Variants in SCML2 observed in about 807,000 individuals in gnomAD.
SCML2 encodes sex comb on midleg-like protein 2.
Under a neutral mutation model 48.4 loss-of-function variants are expected in SCML2, and 6 were observed. The observed-to-expected ratio is 0.12, with a 90% CI of 0.07 to 0.24. The LOEUF is 0.24. Among genes scored for constraint, SCML2 ranks in the 10% least tolerant of loss-of-function variants. The pLI, the probability that SCML2 is intolerant of heterozygous loss-of-function variation, is 1.00. For synonymous variants in SCML2, 181 were observed against 189.5 expected (o/e 0.95, Z 0.37); for missense variants, 377 against 528.2 (o/e 0.71, Z 2.81).
intron 1 of SCML2, among the ~76,000 whole-genome samples, chrX:18,347,707 G>A (rs1930243479): frequency 1.5e-5 from 1 of 68,176 alleles, no homozygotes; most frequent in African/African-American, 5.9e-5. Context: ...CTGGGTGACA[G>A]AGCAAGACTC....
At chrX:18,265,904 C>G in intron 7 of SCML2, 102 bp from the exon 8 acceptor site, 1 of 555,963 alleles carries the variant, frequency 1.8e-6, no homozygotes, top group Non-Finnish European at 2.8e-6. Context: ...AAACCATTTC[C>G]AAAGGTTATT....
chrX:18,254,051 C>T (rs1330858271), intron 11 of SCML2, among the ~76,000 whole-genome samples: 1 of 111,781 alleles, frequency 8.9e-6, no homozygotes, highest in Non-Finnish European at 1.9e-5. Flanking sequence ...AGCAGTGCTT[C>T]TAGGGTACTA....
At chrX:18,348,360 T>C (rs1171323423) in intron 1 of SCML2, among the ~76,000 whole-genome samples, 2 of 111,872 alleles carry the variant, frequency 1.8e-5, no homozygotes, top group Admixed American at 1.9e-4. Context: ...ATAATGGAAA[T>C]GATGACAACA....
chrX:18,325,075 G>A, intron 3 of SCML2, 98 bp from the exon 4 acceptor site: 1 of 421,518 alleles, frequency 2.4e-6, no homozygotes, highest in Non-Finnish European at 3.8e-6. Context: ...TTAGTTCCAT[G>A]CCTCTTAAAA....
At chrX:18,338,357 T>C (rs1336510840) in intron 1 of SCML2, among the ~76,000 whole-genome samples, 1 of 106,819 alleles carries the variant, frequency 9.4e-6, no homozygotes, top group Non-Finnish European at 1.9e-5. Context: ...TGCAGGAGAA[T>C]TGCTCGAACC....
At chrX:18,340,703 A>G (rs1427027226) in intron 1 of SCML2, among the ~76,000 whole-genome samples, 1 of 108,174 alleles carries the variant, frequency 9.2e-6, no homozygotes, top group Non-Finnish European at 1.9e-5. Context: ...CCAGCTACTC[A>G]GGAGGCTGAG....
chrX:18,345,469 C>T (rs1930168525), intron 1 of SCML2, among the ~76,000 whole-genome samples: 1 of 110,177 alleles, frequency 9.1e-6, no homozygotes, highest in Non-Finnish European at 1.9e-5. Context: ...TAGCTCGCTA[C>T]AACCTCAACC....
intron 3 of SCML2, 128 bp from the exon 4 acceptor site, chrX:18,325,105 CAA>C (rs1929438956): frequency 5.2e-6 from 2 of 386,891 alleles, no homozygotes; most frequent in East Asian, 8.3e-5. Context: ...AAAAAACTTC[CAA>C]AAGAGTAGAT....
intron 6 of SCML2, among the ~76,000 whole-genome samples, chrX:18,307,530 C>T (rs1928795126): frequency 8.9e-6 from 1 of 111,863 alleles, no homozygotes; most frequent in Admixed American, 9.5e-5. Flanking sequence ...TCAAGGCACA[C>T]ATAAGGATCC....
At position 18,341,833 on chromosome X, in the gene SCML2, A is replaced by G. The variant is rs189665108; in HGVS notation, c.-24-7738T>C. Among the ~76,000 whole-genome samples the G allele has an allele frequency of 2.7e-5, 3 of 112,204 alleles. No individual in the cohort carries two copies. The East Asian group carries it at 8.4e-4, about 31-fold the overall frequency. ...AACTTGAGAAAAAATAAAACGTTCTATTGTCCCTCTTAAAATGCATTACAC... is the reference window on the plus strand; with the variant it reads ...AACTTGAGAAAAAATAAAACGTTCTGTTGTCCCTCTTAAAATGCATTACAC... On this transcript the variant is annotated intron_variant, in intron 1 of 14. Coordinates refer to ENST00000251900, the MANE Select transcript of SCML2 (RefSeq NM_006089.3).
intron 8 of SCML2, among the ~76,000 whole-genome samples, chrX:18,262,499 C>T (rs1302753348): frequency 9.4e-6 from 1 of 106,238 alleles, no homozygotes; most frequent in Non-Finnish European, 1.9e-5. Flanking sequence ...TGTGAGCATG[C>T]CTGACTAATT....
chrX:18,323,077 G>A (rs1329035418), intron 5 of SCML2, among the ~76,000 whole-genome samples: 1 of 110,844 alleles, frequency 9.0e-6, no homozygotes, highest in Non-Finnish European at 1.9e-5. Context: ...CTTTTATTGT[G>A]CTTTGCAACA....
At chrX:18,344,028 TA>T (rs1269980385) in intron 1 of SCML2, among the ~76,000 whole-genome samples, 2 of 108,509 alleles carry the variant, frequency 1.8e-5, no homozygotes, top group African/African-American at 6.7e-5. Context: ...GTGGGAAACT[TA>T]AAAAATAAAA....
chrX:18,312,793 T>C (rs1334764480), intron 6 of SCML2, among the ~76,000 whole-genome samples: 1 of 110,764 alleles, frequency 9.0e-6, no homozygotes, highest in Non-Finnish European at 1.9e-5. Context: ...AGATGTAGAG[T>C]AGGTAGCTGG....
At chrX:18,301,764 G>A (rs1236375766) in intron 7 of SCML2, among the ~76,000 whole-genome samples, 1 of 111,333 alleles carries the variant, frequency 9.0e-6, no homozygotes, top group Admixed American at 9.6e-5. Context: ...GTGTCACGGC[G>A]AAACTCTGTC....
chrX:18,252,876 C>T (rs1926713633), intron 11 of SCML2, among the ~76,000 whole-genome samples: 1 of 112,296 alleles, frequency 8.9e-6, no homozygotes, highest in African/African-American at 3.2e-5. Flanking sequence ...GGGATATTTG[C>T]CAAGTTCTGG....
chrX:18,301,267 G>A (rs1262473550), intron 7 of SCML2, among the ~76,000 whole-genome samples: 2 of 110,475 alleles, frequency 1.8e-5, no homozygotes, highest in Non-Finnish European at 3.8e-5. Context: ...GCGTGATGGT[G>A]GGCACCTGTA....
chrX:18,338,934 AG>A (rs5901644), intron 1 of SCML2, among the ~76,000 whole-genome samples: 20,952 of 102,183 alleles, frequency 0.21, 1,926 homozygotes, highest in Middle Eastern at 0.32. Context: ...AAAAAAAAAA[AG>A]AAAGAAAAGA....
chrX:18,266,073 G>A (rs1197810157), intron 7 of SCML2, among the ~76,000 whole-genome samples: 2 of 111,241 alleles, frequency 1.8e-5, no homozygotes, highest in African/African-American at 3.3e-5. Flanking sequence ...AAAATTCCTA[G>A]CAACTTACCT....
Sources: gnomAD v4.1 joint callset for allele counts (sites outside exome capture counted in the v4.1 genomes callset) on GRCh38, gnomAD v4.1.1 for gene constraint, MANE v1.5 for transcripts, NCBI Gene and HGNC (gene_info 2026-07-23, HGNC 2026-07-21) for gene names.